The following MGMT variants were observed in gnomAD, a reference collection of about 807,000 sequenced individuals.
MGMT encodes the protein methylated-DNA--protein-cysteine methyltransferase.
A neutral mutation model predicts 15.9 loss-of-function variants in MGMT; 14 were observed. That is an observed-to-expected ratio of 0.88 (90% CI 0.58 to 1.37). The LOEUF (loss-of-function observed/expected upper bound fraction) is 1.37, where lower values mean the gene tolerates loss of function less well. Among genes scored for constraint, MGMT ranks in the 40% most tolerant of loss-of-function variants. The pLI is 0.00. For missense variants in MGMT, 282 were observed against 268.1 expected (o/e 1.05, Z -0.36); for synonymous variants, 130 against 118.2 (o/e 1.10, Z -0.65).
intron 2 of MGMT, among the ~76,000 whole-genome samples, chr10:129,560,381 G>T (rs190542121): frequency 2.0e-5 from 3 of 152,150 alleles, no homozygotes; most frequent in Admixed American, 1.3e-4. Context: ...GGAAATCTGT[G>T]GTAGACACAG....
At chr10:129,570,884 GA>G (rs1239052124) in intron 2 of MGMT, among the ~76,000 whole-genome samples, 32 of 152,198 alleles carry the variant, frequency 2.1e-4, no homozygotes, top group Non-Finnish European at 7.4e-5. Flanking sequence ...ACAGAACATG[GA>G]GGCAGTTATG....
intron 2 of MGMT, among the ~76,000 whole-genome samples, chr10:129,549,170 A>G (rs912803246): frequency 1.2e-4 from 18 of 152,334 alleles, no homozygotes; most frequent in African/African-American, 3.1e-4. Flanking sequence ...CCTCCCTCAG[A>G]ATGGTTGATC....
chr10:129,496,833 T>G (rs960690282), intron 1 of MGMT, among the ~76,000 whole-genome samples: 2 of 152,200 alleles, frequency 1.3e-5, no homozygotes, highest in Non-Finnish European at 2.9e-5. Context: ...TATATATTTA[T>G]TTTTGTTTTG....
At chr10:129,711,731 C>T (rs768664164) in intron 3 of MGMT, among the ~76,000 whole-genome samples, 97 of 152,118 alleles carry the variant, frequency 6.4e-4, no homozygotes, top group Non-Finnish European at 1.1e-3. Flanking sequence ...GGGCTAGCAT[C>T]TTGTCGTACA....
Position 129,727,166 on chromosome 10 carries a change from C to T in MGMT, c.274+19123C>T, listed in dbSNP as rs533352085. ...TGGTACTCCCACTCTTGTTCCTTCT[C>T]GGATGGAGTCAGGTCTGGCCCCAAG... On this transcript the variant is annotated intron_variant, in intron 3 of 4. Transcript: ENST00000651593. Among the ~76,000 whole-genome samples the T allele has an allele frequency of 1.1e-4, 17 of 152,270 alleles. No homozygotes were observed. In the South Asian group the frequency reaches 2.5e-3, roughly 22 times the overall value.
chr10:129,484,367 T>G (rs1203525731), intron 1 of MGMT, among the ~76,000 whole-genome samples: 1 of 152,220 alleles, frequency 6.6e-6, no homozygotes, highest in Non-Finnish European at 1.5e-5. Context: ...TTGTTGCTAT[T>G]TTTTCCTTCT....
chr10:129,676,655 A>C (rs1402468329), intron 2 of MGMT, among the ~76,000 whole-genome samples: 1 of 152,204 alleles, frequency 6.6e-6, no homozygotes, highest in Non-Finnish European at 1.5e-5. Context: ...TAAATTGATA[A>C]ATGGATTCTT....
chr10:129,527,794 C>T (rs1255509534), intron 1 of MGMT, among the ~76,000 whole-genome samples: 1 of 152,106 alleles, frequency 6.6e-6, no homozygotes, highest in African/African-American at 2.4e-5. Flanking sequence ...CCTCACGGCT[C>T]CAGGAGCTGC....
intron 2 of MGMT, among the ~76,000 whole-genome samples, chr10:129,585,179 AAGAT>A (rs1309406892): frequency 2.7e-4 from 41 of 152,290 alleles, no homozygotes; most frequent in African/African-American, 9.6e-4. Flanking sequence ...AAGGGCGAGA[AAGAT>A]ATCTTCTTGT....
At chr10:129,677,181 A>T (rs61417901) in intron 2 of MGMT, among the ~76,000 whole-genome samples, 3 of 142,610 alleles carry the variant, frequency 2.1e-5, no homozygotes, top group East Asian at 4.2e-4. Context: ...TTTTTTTTTT[A>T]AAGACAATTT....
At chr10:129,545,010 C>T (rs1036020204) in intron 2 of MGMT, among the ~76,000 whole-genome samples, 5 of 152,160 alleles carry the variant, frequency 3.3e-5, no homozygotes, top group South Asian at 2.1e-4. Context: ...GCCCCTGCTT[C>T]GTCTGTCTGG....
At chr10:129,498,488 T>G (rs1254176428) in intron 1 of MGMT, among the ~76,000 whole-genome samples, 1 of 152,228 alleles carries the variant, frequency 6.6e-6, no homozygotes, top group Non-Finnish European at 1.5e-5. Flanking sequence ...GAGCTGTCTT[T>G]TCTTTCCCTT....
chr10:129,573,376 C>CTT (rs1846442093), intron 2 of MGMT, among the ~76,000 whole-genome samples: 1 of 152,162 alleles, frequency 6.6e-6, no homozygotes, highest in Admixed American at 6.5e-5. Flanking sequence ...ATGTTAACAG[C>CTT]TTACATAACC....
At chr10:129,549,487 A>T (rs777142937) in intron 2 of MGMT, among the ~76,000 whole-genome samples, 6 of 152,206 alleles carry the variant, frequency 3.9e-5, no homozygotes, top group Non-Finnish European at 8.8e-5. Flanking sequence ...TTTAAAATAT[A>T]AGCAATAAAA....
In MGMT at chr10:129,610,592, G is replaced by A. The variant is rs59693297; in HGVS notation, c.125+74215G>A. On this transcript the variant is annotated intron_variant, in intron 2 of 4. Coordinates refer to ENST00000651593, the MANE Select transcript of MGMT (RefSeq NM_002412.5). ...TCTATTTTTTACCAACTAAAACAGG[G>A]GTTGGCCAACCATGGCTCTCAGGCT... 4.5e-3 allele frequency among the ~76,000 whole-genome samples: 691 copies of A among 152,304 alleles called. 3 individuals are homozygous for A. The highest frequency in any genetic ancestry group is 0.016 in the African/African-American group (651 of 41,544).
chr10:129,734,609 TGGTGA>T (rs1848539192), intron 3 of MGMT, among the ~76,000 whole-genome samples: 1 of 151,832 alleles, frequency 6.6e-6, no homozygotes, highest in Non-Finnish European at 1.5e-5. Flanking sequence ...TGAATAGGAG[TGGTGA>T]GAGAGGGTAT....
At chr10:129,650,212 C>T (rs924215200) in intron 2 of MGMT, among the ~76,000 whole-genome samples, 3 of 152,142 alleles carry the variant, frequency 2.0e-5, no homozygotes, top group African/African-American at 4.8e-5. Context: ...TGGGTAGCCT[C>T]GCCCTGGGAG....
intron 2 of MGMT, among the ~76,000 whole-genome samples, chr10:129,642,882 C>T (rs937063688): frequency 3.3e-5 from 5 of 151,620 alleles, no homozygotes; most frequent in Non-Finnish European, 7.4e-5. Flanking sequence ...CAGTGAGCCG[C>T]GATCCCACCA....
At chr10:129,638,447 A>AAAAAAAAAAAAAAAAAAAAAAAAC (rs1847289769) in intron 2 of MGMT, among the ~76,000 whole-genome samples, 1 of 115,900 alleles carries the variant, frequency 8.6e-6, no homozygotes, top group African/African-American at 3.2e-5. Context: ...AAAAAAAAAG[A>AAAAAAAAAAAAAAAAAAAAAAAAC]AAAAAAAAAG....
Sources: allele counts gnomAD v4.1 joint callset (sites outside exome capture counted in the v4.1 genomes callset), GRCh38; gene constraint gnomAD v4.1.1; transcripts MANE v1.5; gene names NCBI Gene and HGNC (gene_info 2026-07-23, HGNC 2026-07-21).